The following STX2 variants were observed in gnomAD, a reference collection of about 807,000 sequenced individuals.
The protein encoded by STX2 is syntaxin 2.
Under a neutral mutation model 40.6 loss-of-function variants are expected in STX2, and 27 were observed. The observed-to-expected ratio is 0.66, with a 90% CI of 0.49 to 0.92. STX2 has a LOEUF of 0.92. STX2 is among the 40% of genes least tolerant of loss of function. STX2 has a pLI of 0.00. For missense variants in STX2, 328 were observed against 366.1 expected (o/e 0.90, Z 0.85); for synonymous variants, 123 against 119.1 (o/e 1.03, Z -0.22).
At chr12:130,795,727 T>A (rs1951008972) in intron 10 of STX2, among the ~76,000 whole-genome samples, 1 of 152,054 alleles carries the variant, frequency 6.6e-6, no homozygotes, top group Non-Finnish European at 1.5e-5. Context: ...GTGACACAGC[T>A]AGACCCTGTC....
chr12:130,820,894 G>A (rs1952087457), intron 3 of STX2, among the ~76,000 whole-genome samples: 1 of 152,112 alleles, frequency 6.6e-6, no homozygotes, highest in Non-Finnish European at 1.5e-5. Flanking sequence ...CCCCCACCAT[G>A]ATGTGTGGAC....
At chr12:130,806,404 G>C (rs1951435879) in intron 6 of STX2, among the ~76,000 whole-genome samples, 1 of 152,206 alleles carries the variant, frequency 6.6e-6, no homozygotes, top group Non-Finnish European at 1.5e-5. Context: ...GGGAGAGGCA[G>C]AGCAGCTGCA....
chr12:130,814,259 G>A (rs978363345), intron 3 of STX2, among the ~76,000 whole-genome samples: 13 of 151,970 alleles, frequency 8.6e-5, no homozygotes, highest in African/African-American at 2.2e-4. Context: ...CTAACAACTC[G>A]GTAAAAACAG....
rs1247837359 is a variant in STX2, at chr12:130,795,978, GT to G, written c.*45+16del. The G allele has an allele frequency of 3.1e-6, 5 of 1,591,828 alleles. No homozygotes were observed. The highest frequency in any genetic ancestry group is 1.1e-5 in the South Asian group (1 of 87,050). ...ATTGCAAAAGTTAATAAGTAAATTA[GT>G]TGATGAGTTACTTACTCCCACCCTG... On this transcript the variant is annotated intron_variant, in intron 10 of 10. Coordinates refer to ENST00000392373, the MANE Select transcript of STX2 (RefSeq NM_194356.4).
chr12:130,805,138 G>A (rs1410529623), intron 6 of STX2, among the ~76,000 whole-genome samples: 1 of 152,204 alleles, frequency 6.6e-6, no homozygotes, highest in East Asian at 1.9e-4. Context: ...ACAGATCCCT[G>A]AAGTCAAAGT....
At position 130,823,336 on chromosome 12, in the gene STX2, A is replaced by G. The variant is rs540723889; in HGVS notation, c.106-1548T>C. 7.2e-5 allele frequency among the ~76,000 whole-genome samples: 11 copies of G among 152,302 alleles called. No individual in the cohort carries two copies. The Middle Eastern group carries it at 0.01, about 141-fold the overall frequency. The stretch of plus-strand genomic sequence containing the variant: ...TTAAAAACAAAAAAAGGAAGAAGTA[A>G]TTATTAACCATTACATGTTGTGGCA... On this transcript the variant is annotated intron_variant, in intron 2 of 10. Transcript: ENST00000392373.
rs554373234 is a variant in STX2, at chr12:130,801,463, CTCG to C, written c.486_488del (p.Asp162del). On this transcript the variant is annotated inframe_deletion, in exon 7 of 11. Transcript: ENST00000392373. ...TCCCGCTCTCCAGCATCTCTTCTAG[CTCG>C]TCGTCTGTGGTGGTTCTCCCAGCTG... The C allele has an allele frequency of 6.2e-7, 1 of 1,609,414 alleles. No individual in the cohort carries two copies. The highest frequency in any genetic ancestry group is 1.1e-5 in the South Asian group (1 of 90,256).
chr12:130,798,744 T>C lies in STX2; in HGVS notation c.676-109A>G, dbSNP rs553029892. 121 of 712,472 alleles carry C rather than the reference T, an allele frequency of 1.7e-4. No individual in the cohort carries two copies. In the African/African-American group the frequency reaches 1.9e-3, roughly 11 times the overall value. 44.1% of individuals were successfully genotyped at this position (712,472 alleles called of 1,614,324 possible). ...TTATATAAACACGATGTGCATGTAA[T>C]GGATACTGAGGGTTTTTTTCACATT... On this transcript the variant is annotated intron_variant, in intron 8 of 10. Transcript: ENST00000392373.
At chr12:130,824,218 C>T (rs965806601) in intron 2 of STX2, among the ~76,000 whole-genome samples, 4 of 152,030 alleles carry the variant, frequency 2.6e-5, no homozygotes, top group South Asian at 2.1e-4. Context: ...GGCAAAATGC[C>T]GTCTCTACTA....
At chr12:130,811,819 C>T (rs1410830385) in intron 4 of STX2, among the ~76,000 whole-genome samples, 1 of 152,168 alleles carries the variant, frequency 6.6e-6, no homozygotes, top group Non-Finnish European at 1.5e-5. Context: ...GGATTATAGG[C>T]GTGAGCCACC....
intron 10 of STX2, among the ~76,000 whole-genome samples, chr12:130,792,359 G>A (rs750218717): frequency 2.6e-5 from 4 of 152,188 alleles, no homozygotes; most frequent in South Asian, 2.1e-4. Flanking sequence ...AGGCCCGGCC[G>A]ACACTTTCTT....
At chr12:130,838,982 A>G in intron 1 of STX2, 88 bp downstream of exon 1, 98 of 424,918 alleles carry the variant, frequency 2.3e-4, no homozygotes, top group Non-Finnish European at 3.1e-4. Flanking sequence ...ACCCTCCCGG[A>G]GCCCCGCCCA....
intron 1 of STX2, among the ~76,000 whole-genome samples, chr12:130,834,969 G>A (rs1952707639): frequency 6.6e-6 from 1 of 152,166 alleles, no homozygotes; most frequent in Non-Finnish European, 1.5e-5. Context: ...AAAAATATCT[G>A]AGCAGTGTTT....
intron 5 of STX2, among the ~76,000 whole-genome samples, chr12:130,807,662 G>A (rs905353348): frequency 3.3e-5 from 5 of 152,190 alleles, no homozygotes; most frequent in African/African-American, 4.8e-5. Flanking sequence ...CCACTAAAAC[G>A]TGGCGGCCTT....
intron 3 of STX2, among the ~76,000 whole-genome samples, chr12:130,814,904 G>A (rs1394599746): frequency 6.6e-6 from 1 of 152,022 alleles, no homozygotes; most frequent in Non-Finnish European, 1.5e-5. Flanking sequence ...CAAAGTGCTG[G>A]GATTACAGGC....
intron 1 of STX2, among the ~76,000 whole-genome samples, chr12:130,838,603 C>A (rs1024314433): frequency 3.3e-5 from 5 of 152,218 alleles, no homozygotes; most frequent in African/African-American, 7.2e-5. Context: ...AGGGATAAAG[C>A]AGCGACCAAG....
chr12:130,818,307 C>A (rs377136100), intron 3 of STX2, among the ~76,000 whole-genome samples: 2 of 148,540 alleles, frequency 1.3e-5, no homozygotes, highest in South Asian at 4.2e-4. Flanking sequence ...GGAGGCTGAG[C>A]CTGCAGTGGC....
chr12:130,821,953 T>G (rs997055866), intron 2 of STX2, among the ~76,000 whole-genome samples, 165 bp from the exon 3 acceptor site: 1 of 152,148 alleles, frequency 6.6e-6, no homozygotes, highest in African/African-American at 2.4e-5. Flanking sequence ...AAAATAAAGA[T>G]ATATCCTATG....
chr12:130,801,309 A>G lies in STX2; in HGVS notation c.538-19T>C, dbSNP rs1356134882. 6 of 1,604,842 alleles carry G rather than the reference A, an allele frequency of 3.7e-6. No individual in the cohort carries two copies. Among genetic ancestry groups the G allele is most frequent in the Non-Finnish European group, 5.1e-6 (6 of 1,174,138 alleles). ...ATATAATCTTGGAAAAACAAAAATA[A>G]AAGATAATATTAATAAACTTATGAT... On this transcript the variant is annotated intron_variant, in intron 7 of 10. Transcript: ENST00000392373.
Sources: allele counts gnomAD v4.1 joint callset (sites outside exome capture counted in the v4.1 genomes callset), GRCh38; gene constraint gnomAD v4.1.1; transcripts MANE v1.5; gene names NCBI Gene and HGNC (gene_info 2026-07-23, HGNC 2026-07-21).